Variants in CACNA2D3 observed in about 807,000 individuals in gnomAD.
CACNA2D3 encodes the protein calcium voltage-gated channel auxiliary subunit alpha2delta 3, also known as voltage-dependent calcium channel subunit alpha-2/delta-3.
CACNA2D3 carries 60 observed loss-of-function variants against 160.6 expected under a neutral mutation model. That is an observed-to-expected ratio of 0.37 (90% CI 0.30 to 0.46). The LOEUF (loss-of-function observed/expected upper bound fraction) is 0.46. Ranked by LOEUF, CACNA2D3 falls within the 20% of genes least tolerant of loss-of-function variation. CACNA2D3 has a pLI of 1.00. For synonymous variants in CACNA2D3, 558 were observed against 492.9 expected, an observed-to-expected ratio of 1.13 and a Z score of -1.75; for missense variants, 1,205 against 1,365.0, an observed-to-expected ratio of 0.88 and a Z score of 1.85.
At chr3:54,355,963 C>A (rs1000762541) in intron 3 of CACNA2D3, among the ~76,000 whole-genome samples, 1 of 152,154 alleles carries the variant, frequency 6.6e-6, no homozygotes, top group Admixed American at 6.5e-5. Context: ...CCAGTGACCA[C>A]GGAACTGCTA....
intron 6 of CACNA2D3, among the ~76,000 whole-genome samples, chr3:54,569,342 T>C (rs547526441): frequency 6.6e-6 from 1 of 152,294 alleles, no homozygotes; most frequent in East Asian, 1.9e-4. Flanking sequence ...ATATCCTTAG[T>C]TGGAAACATT....
intron 3 of CACNA2D3, among the ~76,000 whole-genome samples, chr3:54,354,254 C>T (rs1698611826): frequency 6.6e-6 from 1 of 152,124 alleles, no homozygotes; most frequent in Non-Finnish European, 1.5e-5. Flanking sequence ...CACCCTCACA[C>T]AGGGAATTAA....
At chr3:54,222,127 G>A (rs901532254) in intron 2 of CACNA2D3, among the ~76,000 whole-genome samples, 4 of 152,162 alleles carry the variant, frequency 2.6e-5, no homozygotes, top group African/African-American at 9.7e-5. Flanking sequence ...GTATTTGTGA[G>A]AGTTTTTCAG....
At chr3:54,472,135 G>T (rs1388969977) in intron 4 of CACNA2D3, among the ~76,000 whole-genome samples, 3 of 152,168 alleles carry the variant, frequency 2.0e-5, no homozygotes, top group Non-Finnish European at 4.4e-5. Context: ...GAACATCGAT[G>T]CAAAAATCCT....
At chr3:54,919,909 T>C (rs1700786510) in intron 27 of CACNA2D3, among the ~76,000 whole-genome samples, 2 of 152,314 alleles carry the variant, frequency 1.3e-5, no homozygotes, top group South Asian at 4.2e-4. Context: ...CTACACTCGC[T>C]GCCTCGCCAC....
chr3:54,492,031 A>G (rs1372025417), intron 4 of CACNA2D3, among the ~76,000 whole-genome samples: 1 of 152,142 alleles, frequency 6.6e-6, no homozygotes, highest in Non-Finnish European at 1.5e-5. Context: ...AGTTCTTCCT[A>G]TAGAATCTGA....
chr3:54,633,393 C>T (rs573044104), intron 10 of CACNA2D3, among the ~76,000 whole-genome samples: 7 of 152,236 alleles, frequency 4.6e-5, no homozygotes, highest in African/African-American at 1.7e-4. Context: ...ATAATGATAG[C>T]GTTGGAAGAC....
intron 9 of CACNA2D3, among the ~76,000 whole-genome samples, chr3:54,621,491 C>T (rs1698987137): frequency 6.6e-6 from 1 of 152,248 alleles, no homozygotes; most frequent in South Asian, 2.1e-4. Context: ...GCAGCATATG[C>T]TGCGTGAGTC....
intron 4 of CACNA2D3, among the ~76,000 whole-genome samples, chr3:54,440,747 T>C (rs1015663334): frequency 3.3e-5 from 5 of 152,158 alleles, no homozygotes; most frequent in Non-Finnish European, 5.9e-5. Context: ...TTTGGTTTTT[T>C]GTCCTTGCGA....
intron 2 of CACNA2D3, among the ~76,000 whole-genome samples, chr3:54,215,193 A>C (rs1701438911): frequency 6.6e-6 from 1 of 152,150 alleles, no homozygotes; most frequent in African/African-American, 2.4e-5. Flanking sequence ...CCTACCCCCC[A>C]GCTTTATTAA....
chr3:54,924,401 C>T (rs374231893), intron 27 of CACNA2D3, among the ~76,000 whole-genome samples: 4 of 152,168 alleles, frequency 2.6e-5, no homozygotes, highest in African/African-American at 7.2e-5. Flanking sequence ...AAAGTTATCT[C>T]CATGCAACAT....
chr3:54,955,122 G>A (rs551415291), intron 27 of CACNA2D3, among the ~76,000 whole-genome samples: 3 of 152,246 alleles, frequency 2.0e-5, no homozygotes, highest in Admixed American at 6.5e-5. Flanking sequence ...ATGGGGAATC[G>A]TAGGAGAATG....
intron 27 of CACNA2D3, among the ~76,000 whole-genome samples, chr3:54,912,474 A>G (rs1179746293): frequency 6.6e-6 from 1 of 151,658 alleles, no homozygotes; most frequent in Non-Finnish European, 1.5e-5. Context: ...CAGCCACACT[A>G]CCTCCTTGTT....
chr3:54,681,280 T>TA (rs1700343252), intron 11 of CACNA2D3, among the ~76,000 whole-genome samples: 1 of 147,538 alleles, frequency 6.8e-6, no homozygotes, highest in South Asian at 2.1e-4. Context: ...CTCACACCTG[T>TA]AATCCCAGCA....
intron 35 of CACNA2D3, among the ~76,000 whole-genome samples, chr3:55,035,381 A>C (rs1205370996): frequency 6.6e-6 from 1 of 152,192 alleles, no homozygotes; most frequent in Admixed American, 6.5e-5. Context: ...CGAGCTTCAG[A>C]AATACTTTGT....
At chr3:54,161,477 T>C (rs1263932745) in intron 2 of CACNA2D3, among the ~76,000 whole-genome samples, 1 of 152,246 alleles carries the variant, frequency 6.6e-6, no homozygotes, top group African/African-American at 2.4e-5. Context: ...ATTGTGAGTG[T>C]CTTTAGCGTC....
chr3:54,463,706 T>A (rs1457690667), intron 4 of CACNA2D3, among the ~76,000 whole-genome samples: 7 of 152,228 alleles, frequency 4.6e-5, no homozygotes, highest in African/African-American at 2.4e-5. Flanking sequence ...CTTTTTTGCC[T>A]TTGGTTTGAA....
At chr3:54,547,749 A>C (rs1157321875) in intron 5 of CACNA2D3, among the ~76,000 whole-genome samples, 1 of 146,206 alleles carries the variant, frequency 6.8e-6, no homozygotes, top group Non-Finnish European at 1.5e-5. Flanking sequence ...TAGTGGCACA[A>C]GCATGGCTCA....
intron 13 of CACNA2D3, among the ~76,000 whole-genome samples, chr3:54,813,333 C>T (rs1478110871): frequency 6.6e-6 from 1 of 152,032 alleles, no homozygotes; most frequent in East Asian, 1.9e-4. Context: ...AAAACATCTC[C>T]CCGGTGTGTT....
Sources: gnomAD v4.1 joint callset for allele counts (sites outside exome capture counted in the v4.1 genomes callset) on GRCh38, gnomAD v4.1.1 for gene constraint, MANE v1.5 for transcripts, NCBI Gene and HGNC (gene_info 2026-07-23, HGNC 2026-07-21) for gene names.